The following SLC7A6 variants were observed in gnomAD, a reference collection of about 807,000 sequenced individuals.
SLC7A6 encodes solute carrier family 7 member 6.
A neutral mutation model predicts 46.6 loss-of-function variants in SLC7A6; 29 were observed. The observed-to-expected ratio is 0.62, with a 90% confidence interval of 0.46 to 0.85. SLC7A6 has a LOEUF of 0.85. Among genes scored for constraint, SLC7A6 ranks in the 40% least tolerant of loss-of-function variants. SLC7A6 has a pLI of 0.00. For synonymous variants in SLC7A6, 276 were observed against 257.3 expected, an observed-to-expected ratio of 1.07 and a Z score of -0.70; for missense variants, 527 against 647.6, an observed-to-expected ratio of 0.81 and a Z score of 2.02.
intron 5 of SLC7A6, 97 bp from the exon 6 acceptor site, chr16:68,291,112 A>T: frequency 2.0e-6 from 3 of 1,514,954 alleles, no homozygotes; most frequent in Non-Finnish European, 2.7e-6. Flanking sequence ...AGGCTAGTGA[A>T]CTGTTAAATG....
chr16:68,282,766 C>T (rs919914007), intron 3 of SLC7A6, among the ~76,000 whole-genome samples: 9 of 152,070 alleles, frequency 5.9e-5, no homozygotes, highest in Non-Finnish European at 2.9e-5. Context: ...TACAGGCATA[C>T]GCCACTATGC....
In SLC7A6 at chr16:68,277,316, T is replaced by TTTTATTTATTTATTTATTTATTTA. The variant is rs71145991; in HGVS notation, c.523+2079_523+2102dup. 4.9e-3 allele frequency among the ~76,000 whole-genome samples: 667 copies of TTTTATTTATTTATTTATTTATTTA among 135,946 alleles called. 10 individuals carry two copies. The highest frequency in any genetic ancestry group is 0.026 in the Admixed American group (357 of 13,474). The allele number at this position is 135,946 out of a possible 152,430, so 89.2% of individuals were successfully genotyped here. ...TGGTCAAGCTGGTCGAGAAGAGTAC[T>TTTTATTTATTTATTTATTTATTTA]TTTATTTATTTATTTATTTATTTAT... On this transcript the variant is annotated intron_variant, in intron 3 of 10. Coordinates refer to ENST00000219343, the MANE Select transcript of SLC7A6 (RefSeq NM_003983.6).
In SLC7A6 at chr16:68,300,952, C is replaced by T. The variant is rs938832028; in HGVS notation, c.*3624C>T. On this transcript the variant is annotated 3_prime_UTR_variant, in exon 11 of 11. Coordinates refer to ENST00000219343, the MANE Select transcript of SLC7A6 (RefSeq NM_003983.6). ...GGAACCTCCCCCTCCCTTGTGGTTT[C>T]AGCACAGAACCTGAATGCCAGGAAA... 9.8e-7 allele frequency: 1 copy of T among 1,016,176 alleles called. No homozygotes were observed. Among genetic ancestry groups the T allele is most frequent in the Admixed American group, 5.7e-5 (1 of 17,446 alleles). 62.9% of individuals were successfully genotyped at this position (1,016,176 alleles called of 1,614,324 possible).
chr16:68,286,153 C>A (rs1322094798), intron 3 of SLC7A6, among the ~76,000 whole-genome samples: 1 of 150,740 alleles, frequency 6.6e-6, no homozygotes, highest in Non-Finnish European at 1.5e-5. Context: ...ACTGCTGTTA[C>A]CTTCTGAGAA....
At chr16:68,286,050 C>T (rs1170530888) in intron 3 of SLC7A6, among the ~76,000 whole-genome samples, 5 of 141,074 alleles carry the variant, frequency 3.5e-5, no homozygotes, top group African/African-American at 5.4e-5. Flanking sequence ...GAGCTGTGAT[C>T]GCACCCACTC....
intron 2 of SLC7A6, among the ~76,000 whole-genome samples, chr16:68,269,915 G>A (rs1296864810): frequency 6.6e-6 from 1 of 152,142 alleles, no homozygotes; most frequent in Non-Finnish European, 1.5e-5. Context: ...CTATAGGCGT[G>A]TGCCATCATG....
chr16:68,283,550 C>G (rs887292080), intron 3 of SLC7A6, among the ~76,000 whole-genome samples: 7 of 152,074 alleles, frequency 4.6e-5, no homozygotes, highest in African/African-American at 9.7e-5. Context: ...TTTGGACAGC[C>G]ATGCCTTCAG....
intron 2 of SLC7A6, among the ~76,000 whole-genome samples, chr16:68,267,507 G>A (rs77517043): frequency 0.075 from 11,405 of 152,106 alleles, 547 homozygotes; most frequent in Admixed American, 0.11. Context: ...GAGACACCGC[G>A]CCTGGCCATA....
chr16:68,289,484 G>T (rs1257272807), intron 4 of SLC7A6, among the ~76,000 whole-genome samples: 1 of 152,140 alleles, frequency 6.6e-6, no homozygotes, highest in Non-Finnish European at 1.5e-5. Flanking sequence ...GGGAACCACT[G>T]CTGTGTATGA....
At position 68,275,257 on chromosome 16, in the gene SLC7A6, G is replaced by C. The variant is rs763650936; in HGVS notation, c.523+8G>C. The C allele has an allele frequency of 2.5e-6, 4 of 1,609,360 alleles. No homozygotes were observed. In the South Asian group the frequency reaches 4.4e-5, roughly 18 times the overall value. On this transcript the variant is annotated splice_region_variant and intron_variant, in intron 3 of 10. Transcript: ENST00000219343. ...TGGCTGCTGCTTGCATATGTAAGTG[G>C]GGGCTGAGATTGGGAGGATGTTGGG...
rs1281086797 is a variant in SLC7A6 at position 68,299,793 on chromosome 16, G to T, written c.*2465G>T. ...ATACAAGTTGCTGCCTGTTATAACG[G>T]TGAATTATACCTTTGTGCATGCCTA... On this transcript the variant is annotated 3_prime_UTR_variant, in exon 11 of 11. Coordinates refer to ENST00000219343, the MANE Select transcript of SLC7A6 (RefSeq NM_003983.6). 1 of 152,166 alleles carries T rather than the reference G, an allele frequency of 6.6e-6. No individual in the cohort carries two copies. The highest frequency in any genetic ancestry group is 1.5e-5 in the Non-Finnish European group (1 of 68,042). 9.4% of individuals were successfully genotyped at this position (152,166 alleles called of 1,614,324 possible).
intron 3 of SLC7A6, 124 bp from the exon 4 acceptor site, chr16:68,287,621 CT>C (rs1477706194): frequency 1.3e-6 from 2 of 1,533,132 alleles, no homozygotes; most frequent in Non-Finnish European, 1.8e-6. Flanking sequence ...TCGCCTTGTT[CT>C]GACTGGTCCA....
Position 68,300,635 on chromosome 16 carries a change from T to G in SLC7A6, c.*3307T>G. 1.0e-6 allele frequency: 1 copy of G among 985,428 alleles called. No individual in the cohort carries two copies. Among genetic ancestry groups the G allele is most frequent in the Non-Finnish European group, 1.2e-6 (1 of 829,924 alleles). 61.0% of individuals were successfully genotyped at this position (985,428 alleles called of 1,614,324 possible). ...CTTTCTTCCATGTTCAAAGCTAGATTTTACTAAACACATGTATCACATTCA... is the reference window on the plus strand; with the variant it reads ...CTTTCTTCCATGTTCAAAGCTAGATGTTACTAAACACATGTATCACATTCA... On this transcript the variant is annotated 3_prime_UTR_variant, in exon 11 of 11. Transcript: ENST00000219343.
Position 68,299,001 on chromosome 16 carries a change from G to A in SLC7A6, c.*1673G>A, listed in dbSNP as rs567093349. 2 of 152,746 alleles carry A rather than the reference G, an allele frequency of 1.3e-5. No homozygotes were observed. Among genetic ancestry groups the A allele is most frequent in the South Asian group, 2.1e-4 (1 of 4,824 alleles). The allele number at this position is 152,746 out of a possible 1,614,324, so 9.5% of individuals were successfully genotyped here. Reference sequence around the variant, plus strand: ...GCCATATATTTGCTCAATAAAGATTGAAGGAAGCATGGTCATAGTTGCCCT... The same window carrying A: ...GCCATATATTTGCTCAATAAAGATTAAAGGAAGCATGGTCATAGTTGCCCT... On this transcript the variant is annotated 3_prime_UTR_variant, in exon 11 of 11. Coordinates refer to ENST00000219343, the MANE Select transcript of SLC7A6 (RefSeq NM_003983.6).
Position 68,301,102 on chromosome 16 carries a change from C to T in SLC7A6, c.*3774C>T. The T allele has an allele frequency of 1.5e-6, 2 of 1,326,978 alleles. No homozygotes were observed. Among genetic ancestry groups the T allele is most frequent in the South Asian group, 2.3e-5 (1 of 44,070 alleles). The allele number at this position is 1,326,978 out of a possible 1,614,324, so 82.2% of individuals were successfully genotyped here. A position where few individuals can be genotyped will look rare whatever the true frequency, so the allele number is the denominator to read the frequency against. Reference sequence around the variant, plus strand: ...TCCTACTGTAAGTGGAAAAGACTCACTCCCCTAACATAAGTTTTCACTGTG... The same window carrying T: ...TCCTACTGTAAGTGGAAAAGACTCATTCCCCTAACATAAGTTTTCACTGTG... On this transcript the variant is annotated 3_prime_UTR_variant, in exon 11 of 11. Coordinates refer to ENST00000219343, the MANE Select transcript of SLC7A6 (RefSeq NM_003983.6).
At chr16:68,284,460 T>A in intron 3 of SLC7A6, 1 of 168,368 alleles carries the variant, frequency 5.9e-6, no homozygotes, top group Non-Finnish European at 1.2e-5. Flanking sequence ...TGCTTTTGTA[T>A]CCTTCCAGCT....
At chr16:68,283,733 G>A (rs3961283) in intron 3 of SLC7A6, among the ~76,000 whole-genome samples, 120,377 of 152,152 alleles carry the variant, frequency 0.79, 48,298 homozygotes, top group African/African-American at 0.93. Flanking sequence ...AGACCCTCAC[G>A]TGGGTCCCAC....
chr16:68,299,489 C>T lies in SLC7A6; in HGVS notation c.*2161C>T, dbSNP rs1567599532. 6.6e-6 allele frequency: 1 copy of T among 152,664 alleles called. No homozygotes were observed. Among genetic ancestry groups the T allele is most frequent in the South Asian group, 2.1e-4 (1 of 4,834 alleles). The allele number at this position is 152,664 out of a possible 1,614,324, so 9.5% of individuals were successfully genotyped here. On this transcript the variant is annotated 3_prime_UTR_variant, in exon 11 of 11. Transcript: ENST00000219343. ...TGGGAGCGAAGCCAGAGGATCCCTA[C>T]AGCACTCAAGCTTCATGGTGGAATT...
At chr16:68,277,607 G>A (rs973694225) in intron 3 of SLC7A6, among the ~76,000 whole-genome samples, 1 of 151,492 alleles carries the variant, frequency 6.6e-6, no homozygotes. Flanking sequence ...CACGGCGCCC[G>A]GCCTTGTATT....
Sources: allele counts gnomAD v4.1 joint callset (sites outside exome capture counted in the v4.1 genomes callset), GRCh38; gene constraint gnomAD v4.1.1; transcripts MANE v1.5; gene names NCBI Gene and HGNC (gene_info 2026-07-23, HGNC 2026-07-21).